PTBP3: variants seen among roughly 807,000 people sequenced by gnomAD.
PTBP3 encodes the protein polypyrimidine tract binding protein 3.
Under a neutral mutation model 58.7 loss-of-function variants are expected in PTBP3, and 20 were observed. That is an observed-to-expected ratio of 0.34 (90% CI 0.24 to 0.50). PTBP3 has a LOEUF of 0.50. Among genes scored for constraint, PTBP3 ranks in the 20% least tolerant of loss-of-function variants. The pLI is 0.98. For missense variants in PTBP3, 509 were observed against 637.2 expected, an observed-to-expected ratio of 0.80 and a Z score of 2.17; for synonymous variants, 185 against 219.8, an observed-to-expected ratio of 0.84 and a Z score of 1.40.
chr9:112,300,093 C>A (rs1321065728), intron 1 of PTBP3, among the ~76,000 whole-genome samples: 3 of 152,088 alleles, frequency 2.0e-5, no homozygotes, highest in Admixed American at 1.3e-4. Context: ...TGGACAATAT[C>A]ATGTTAGTAA....
At chr9:112,300,430 C>T (rs571851465) in intron 1 of PTBP3, among the ~76,000 whole-genome samples, 1 of 152,338 alleles carries the variant, frequency 6.6e-6, no homozygotes, top group South Asian at 2.1e-4. Flanking sequence ...TACGGCTCCA[C>T]ATAACACAGA....
the PTBP3 span, among the ~76,000 whole-genome samples, chr9:112,349,581 A>G: frequency 6.6e-6 from 1 of 152,104 alleles, no homozygotes; most frequent in Non-Finnish European, 1.5e-5. Flanking sequence ...GCAATTTACC[A>G]GGCGCGGTGG....
Position 112,220,522 on chromosome 9 carries a change from T to C in PTBP3, c.*3329A>G, listed in dbSNP as rs1834771695. ...TCATAAGGGAACAGGCAGGCATAAA[T>C]GATATCTCCAAAAACTGAGCTCAGC... On this transcript the variant is annotated 3_prime_UTR_variant, in exon 14 of 14. Transcript: ENST00000374257. 9.7e-7 allele frequency: 1 copy of C among 1,025,822 alleles called. No individual in the cohort carries two copies. Among genetic ancestry groups the C allele is most frequent in the Non-Finnish European group, 1.2e-6 (1 of 852,714 alleles). The allele number at this position is 1,025,822 out of a possible 1,614,324, so 63.5% of individuals were successfully genotyped here. A position where few individuals can be genotyped will look rare whatever the true frequency, so the allele number is the denominator to read the frequency against.
At chr9:112,372,325 T>C in the PTBP3 span, among the ~76,000 whole-genome samples, 1 of 152,196 alleles carries the variant, frequency 6.6e-6, no homozygotes, top group Non-Finnish European at 1.5e-5. Context: ...GCAATTCTCC[T>C]GCCTTGGCCT....
intron 4 of PTBP3, among the ~76,000 whole-genome samples, chr9:112,264,710 C>T (rs1260447181): frequency 2.0e-5 from 3 of 152,100 alleles, no homozygotes; most frequent in African/African-American, 4.8e-5. Flanking sequence ...AACATCAATG[C>T]ATAAAAGTTG....
At chr9:112,376,156 G>GATATATATATAT in the PTBP3 span, among the ~76,000 whole-genome samples, 3,675 of 116,546 alleles carry the variant, frequency 0.032, 127 homozygotes, top group African/African-American at 0.048. Context: ...TTCTCTAGAG[G>GATATATATATAT]ATATATATAT....
the PTBP3 span, among the ~76,000 whole-genome samples, chr9:112,376,290 T>G: frequency 1.4e-5 from 2 of 138,212 alleles, no homozygotes; most frequent in South Asian, 2.4e-4. Flanking sequence ...AGTCTCGGTC[T>G]GTCACCAGGC....
At position 112,221,627 on chromosome 9, in the gene PTBP3, TATTTC is replaced by T. The variant is rs894543460; in HGVS notation, c.*2219_*2223del. The T allele has an allele frequency of 1.9e-4, 186 of 985,346 alleles. No homozygotes were observed. In the Middle Eastern group the frequency reaches 5.7e-3, roughly 30 times the overall value. The allele number at this position is 985,346 out of a possible 1,614,324, so 61.0% of individuals were successfully genotyped here. On this transcript the variant is annotated 3_prime_UTR_variant, in exon 14 of 14. Transcript: ENST00000374257. The stretch of plus-strand genomic sequence containing the variant: ...TACCCCTTGTGTCTAGGTCAAAACT[TATTTC>T]ATAAGTAAAAAAACAAAAAACTAAA...
chr9:112,377,686 T>C, the PTBP3 span, among the ~76,000 whole-genome samples: 1 of 152,208 alleles, frequency 6.6e-6, no homozygotes, highest in Non-Finnish European at 1.5e-5. Flanking sequence ...AGGAAACTGT[T>C]GCATTTTTAG....
At chr9:112,287,341 GT>G (rs59039980) in intron 2 of PTBP3, among the ~76,000 whole-genome samples, 19,135 of 126,872 alleles carry the variant, frequency 0.15, 1,424 homozygotes, top group East Asian at 0.25. Flanking sequence ...TCAGTTTTTT[GT>G]TTTTTTTTTT....
At chr9:112,274,223 A>G (rs1203784649) in intron 3 of PTBP3, among the ~76,000 whole-genome samples, 1 of 152,230 alleles carries the variant, frequency 6.6e-6, no homozygotes, top group Admixed American at 6.5e-5. Context: ...AGGATATTAA[A>G]TAAGTGATTT....
At chr9:112,286,610 T>C (rs1270066156) in intron 2 of PTBP3, among the ~76,000 whole-genome samples, 1 of 152,156 alleles carries the variant, frequency 6.6e-6, no homozygotes, top group Non-Finnish European at 1.5e-5. Flanking sequence ...TACTGTTGTA[T>C]ATTTTGCTTT....
chr9:112,218,182 G>A (rs1834686696), downstream of PTBP3: 1 of 152,240 alleles, frequency 6.6e-6, no homozygotes, highest in African/African-American at 2.4e-5. Context: ...GGCAGTGCCA[G>A]AGAAGGTGCA....
chr9:112,339,845 T>A, the PTBP3 span, among the ~76,000 whole-genome samples: 1 of 152,134 alleles, frequency 6.6e-6, no homozygotes, highest in Non-Finnish European at 1.5e-5. Flanking sequence ...GGATTACAGG[T>A]GTCAGACACC....
intron 2 of PTBP3, among the ~76,000 whole-genome samples, chr9:112,297,253 G>C (rs1828727955): frequency 6.6e-6 from 1 of 152,178 alleles, no homozygotes; most frequent in Non-Finnish European, 1.5e-5. Flanking sequence ...CCCCCAGGCT[G>C]AAGTGCAATG....
chr9:112,232,020 A>AAAGAAAC (rs879877469), intron 9 of PTBP3, 79 bp downstream of exon 9: 1 of 725,436 alleles, frequency 1.4e-6, no homozygotes, highest in Admixed American at 4.8e-5. Context: ...AGAAGAGAAG[A>AAAGAAAC]AAAGAAAAGA....
intron 1 of PTBP3, among the ~76,000 whole-genome samples, chr9:112,324,637 G>A (rs1455780373): frequency 2.0e-5 from 3 of 149,942 alleles, no homozygotes; most frequent in East Asian, 3.9e-4. Context: ...GTGACAGAGC[G>A]AGACTACCTC....
At chr9:112,322,381 A>C (rs1011705188) in intron 1 of PTBP3, among the ~76,000 whole-genome samples, 13 of 152,150 alleles carry the variant, frequency 8.5e-5, no homozygotes, top group African/African-American at 3.1e-4. Flanking sequence ...TGAAAGTCAC[A>C]TATCAGAGGC....
chr9:112,219,989 T>C lies in PTBP3; in HGVS notation c.*3862A>G. 1.3e-6 allele frequency: 1 copy of C among 788,440 alleles called. No homozygotes were observed. Among genetic ancestry groups the C allele is most frequent in the South Asian group, 3.3e-5 (1 of 30,286 alleles). The allele number at this position is 788,440 out of a possible 1,614,324, so 48.8% of individuals were successfully genotyped here. ...AATTTTGTGCAATCTAAATTGTATT[T>C]CTTTCAGCACAATAGTAGAGTATTT... On this transcript the variant is annotated 3_prime_UTR_variant, in exon 14 of 14. Transcript: ENST00000374257.
Sources: gnomAD v4.1 joint callset for allele counts (sites outside exome capture counted in the v4.1 genomes callset) on GRCh38, gnomAD v4.1.1 for gene constraint, MANE v1.5 for transcripts, NCBI Gene and HGNC (gene_info 2026-07-23, HGNC 2026-07-21) for gene names.